Variants in CHIC2 observed in about 807,000 individuals in gnomAD.
CHIC2 encodes the protein cysteine-rich hydrophobic domain-containing protein 2.
In CHIC2, 14 loss-of-function variants were observed where a neutral mutation model predicts 25.9. That is an observed-to-expected ratio of 0.54 (90% CI 0.36 to 0.85). CHIC2 has a LOEUF of 0.85. Ranked by LOEUF, CHIC2 falls within the 40% of genes least tolerant of loss-of-function variation. CHIC2 has a pLI of 0.01. For synonymous variants in CHIC2, 70 were observed against 72.0 expected (o/e 0.97, Z 0.14); for missense variants, 146 against 202.0 (o/e 0.72, Z 1.68).
upstream of CHIC2, among the ~76,000 whole-genome samples, chr4:54,066,968 A>G (rs1717532453): frequency 6.6e-6 from 1 of 152,248 alleles, no homozygotes; most frequent in Admixed American, 6.5e-5. Flanking sequence ...CATAGCTGAC[A>G]ACTTCCCAAA....
At chr4:54,053,813 C>G (rs1292803309) in intron 1 of CHIC2, among the ~76,000 whole-genome samples, 1 of 151,892 alleles carries the variant, frequency 6.6e-6, no homozygotes, top group African/African-American at 2.4e-5. Context: ...TTTTTTGAGA[C>G]AGAGTCTCGC....
intron 1 of CHIC2, among the ~76,000 whole-genome samples, chr4:54,057,416 C>T (rs923455503): frequency 1.3e-5 from 2 of 152,174 alleles, no homozygotes; most frequent in African/African-American, 4.8e-5. Context: ...GTTCCTCAGG[C>T]AAGTCAAGCT....
At chr4:54,080,200 G>GTA in the CHIC2 span, among the ~76,000 whole-genome samples, 467 of 139,822 alleles carry the variant, frequency 3.3e-3, 2 homozygotes, top group Admixed American at 5.7e-3. Flanking sequence ...ATATATATGT[G>GTA]TATATATATA....
At chr4:54,063,857 C>A (rs902070255) in intron 1 of CHIC2, among the ~76,000 whole-genome samples, 1 of 152,202 alleles carries the variant, frequency 6.6e-6, no homozygotes, top group Non-Finnish European at 1.5e-5. Context: ...AACAAGGAGG[C>A]TCCCTGTCAA....
the CHIC2 span, among the ~76,000 whole-genome samples, chr4:54,071,439 G>T: frequency 6.6e-6 from 1 of 152,208 alleles, no homozygotes; most frequent in Admixed American, 6.5e-5. Flanking sequence ...CATAGGTACC[G>T]TTTTCATCCC....
At chr4:54,090,014 T>C in the CHIC2 span, among the ~76,000 whole-genome samples, 1 of 152,168 alleles carries the variant, frequency 6.6e-6, no homozygotes, top group African/African-American at 2.4e-5. Context: ...GTATGTGAAA[T>C]ATAAATGAAT....
At chr4:54,039,629 G>A (rs1716502557) in intron 3 of CHIC2, among the ~76,000 whole-genome samples, 1 of 152,144 alleles carries the variant, frequency 6.6e-6, no homozygotes, top group Non-Finnish European at 1.5e-5. Context: ...ATGCAAAATG[G>A]TTCACCCACT....
intron 1 of CHIC2, chr4:54,060,088 T>C (rs528297131): frequency 6.6e-6 from 1 of 152,220 alleles, no homozygotes; most frequent in South Asian, 2.1e-4. Context: ...CCACAGCATC[T>C]AGCAGCAGTC....
rs974777900 is a variant in CHIC2, at chr4:54,020,153, C to T, written c.331-6034G>A. 1.4e-4 allele frequency among the ~76,000 whole-genome samples: 21 copies of T among 152,176 alleles called. 1 individual carries two copies. Among genetic ancestry groups the T allele is most frequent in the Admixed American group, 5.9e-4 (9 of 15,274 alleles). On this transcript the variant is annotated intron_variant, in intron 3 of 5. Coordinates refer to ENST00000263921, the MANE Select transcript of CHIC2 (RefSeq NM_012110.4). ...ACGTATACATCCAGATGGCCTGAAG[C>T]AACTGAAGATCCACAAAAGAAGTGA...
At chr4:54,081,333 G>A in the CHIC2 span, among the ~76,000 whole-genome samples, 1 of 151,672 alleles carries the variant, frequency 6.6e-6, no homozygotes, top group South Asian at 2.1e-4. Context: ...CTATAAGATG[G>A]GCATGATACC....
the CHIC2 span, among the ~76,000 whole-genome samples, chr4:54,074,832 G>A: frequency 6.6e-6 from 1 of 152,084 alleles, no homozygotes; most frequent in African/African-American, 2.4e-5. Context: ...TCTCAGCTGG[G>A]CACAGTGACT....
At chr4:54,016,185 T>C (rs920134204) in intron 3 of CHIC2, among the ~76,000 whole-genome samples, 1 of 152,116 alleles carries the variant, frequency 6.6e-6, no homozygotes, top group Non-Finnish European at 1.5e-5. Flanking sequence ...TATTAATGTA[T>C]AAAATAGTAC....
At chr4:54,043,637 A>G (rs1306937972) in intron 3 of CHIC2, among the ~76,000 whole-genome samples, 1 of 152,148 alleles carries the variant, frequency 6.6e-6, no homozygotes, top group Non-Finnish European at 1.5e-5. Context: ...CTGCCCTAAA[A>G]GAGCTCCCGA....
chr4:54,012,075 C>T (rs1305547457), intron 5 of CHIC2, among the ~76,000 whole-genome samples: 2 of 151,600 alleles, frequency 1.3e-5, no homozygotes, highest in African/African-American at 2.4e-5. Flanking sequence ...TATATATATA[C>T]TCTAAGAAAA....
the CHIC2 span, among the ~76,000 whole-genome samples, chr4:54,085,494 G>A: frequency 6.6e-6 from 1 of 152,282 alleles, no homozygotes; most frequent in East Asian, 1.9e-4. Context: ...GTAATACAAT[G>A]ACTAAGACAG....
chr4:54,048,027 T>C (rs893756402), intron 3 of CHIC2, among the ~76,000 whole-genome samples: 4 of 152,152 alleles, frequency 2.6e-5, no homozygotes, highest in Non-Finnish European at 4.4e-5. Context: ...TCACTATTGT[T>C]GCCCAGGCTG....
At chr4:54,078,448 G>A in the CHIC2 span, among the ~76,000 whole-genome samples, 5 of 152,112 alleles carry the variant, frequency 3.3e-5, no homozygotes, top group African/African-American at 1.2e-4. Context: ...GCTTGAATTA[G>A]TTTGTCTGTA....
chr4:54,051,498 G>C (rs1336189400), intron 1 of CHIC2, among the ~76,000 whole-genome samples: 2 of 151,688 alleles, frequency 1.3e-5, no homozygotes, highest in Non-Finnish European at 2.9e-5. Context: ...CTGTCTTTAG[G>C]TACTCCACTT....
chr4:54,060,483 T>C (rs1446110396), intron 1 of CHIC2: 5 of 152,116 alleles, frequency 3.3e-5, no homozygotes, highest in South Asian at 2.1e-4. Flanking sequence ...TCAAAGATTA[T>C]ACATACTCTA....
Sources: allele counts gnomAD v4.1 joint callset (sites outside exome capture counted in the v4.1 genomes callset), GRCh38; gene constraint gnomAD v4.1.1; transcripts MANE v1.5; gene names NCBI Gene and HGNC (gene_info 2026-07-23, HGNC 2026-07-21).